SRGAP1: variants seen among roughly 807,000 people sequenced by gnomAD.
The protein encoded by SRGAP1 is SLIT-ROBO Rho GTPase activating protein 1.
In SRGAP1, 43 loss-of-function variants were observed where a neutral mutation model predicts 121.9. The ratio of observed to expected loss-of-function variants is 0.35; its 90% CI spans 0.28 to 0.46. The LOEUF (loss-of-function observed/expected upper bound fraction) is 0.46, where lower values mean the gene tolerates loss of function less well. SRGAP1 is among the 20% of genes least tolerant of loss of function. The probability of loss-of-function intolerance (pLI) is 1.00; values close to 1 mark genes in which losing one functional copy is unlikely to be tolerated. For synonymous variants in SRGAP1, 447 were observed against 485.4 expected, an observed-to-expected ratio of 0.92 and a Z score of 1.04; for missense variants, 1,102 against 1,350.9, an observed-to-expected ratio of 0.82 and a Z score of 2.89.
chr12:63,963,419 A>G (rs918939586), intron 1 of SRGAP1, among the ~76,000 whole-genome samples: 1 of 152,218 alleles, frequency 6.6e-6, no homozygotes, highest in African/African-American at 2.4e-5. Context: ...TCATTTTTTA[A>G]TGTTTTTAAT....
chr12:63,893,209 G>T (rs952218946), intron 1 of SRGAP1, among the ~76,000 whole-genome samples: 14 of 152,142 alleles, frequency 9.2e-5, no homozygotes, highest in Non-Finnish European at 1.2e-4. Flanking sequence ...CTAAAAACAG[G>T]TTGTCATTTT....
intron 1 of SRGAP1, among the ~76,000 whole-genome samples, chr12:63,862,455 T>C (rs1899487941): frequency 6.6e-6 from 1 of 152,178 alleles, no homozygotes; most frequent in Non-Finnish European, 1.5e-5. Flanking sequence ...TCTCAGTTGG[T>C]CTGTGGAAGA....
intron 6 of SRGAP1, among the ~76,000 whole-genome samples, chr12:64,051,758 C>G (rs1373492365): frequency 6.6e-6 from 1 of 152,034 alleles, no homozygotes; most frequent in Non-Finnish European, 1.5e-5. Flanking sequence ...TACTAAAGTG[C>G]ATTCTCTCTT....
At chr12:64,108,267 T>C (rs2136611174) in intron 15 of SRGAP1, among the ~76,000 whole-genome samples, 1 of 152,266 alleles carries the variant, frequency 6.6e-6, no homozygotes, top group East Asian at 1.9e-4. Flanking sequence ...AACACTAGTC[T>C]CAGGTAATCC....
chr12:63,917,375 A>G (rs2030833046), intron 1 of SRGAP1, among the ~76,000 whole-genome samples: 2 of 152,170 alleles, frequency 1.3e-5, no homozygotes, highest in Non-Finnish European at 2.9e-5. Flanking sequence ...AGTATGGTCC[A>G]TTAGAGGTAT....
At chr12:64,126,206 C>T (rs769125270) in intron 19 of SRGAP1, 49 bp downstream of exon 19, 2 of 1,565,256 alleles carry the variant, frequency 1.3e-6, no homozygotes, top group Non-Finnish European at 8.7e-7. Context: ...TAGAGGACTC[C>T]AGCCATTGTT....
intron 6 of SRGAP1, among the ~76,000 whole-genome samples, chr12:64,057,141 T>C (rs541199708): frequency 1.6e-4 from 25 of 152,300 alleles, no homozygotes; most frequent in African/African-American, 6.0e-4. Flanking sequence ...GGCCTACTCA[T>C]TGGCTGAGGC....
chr12:63,877,230 A>C (rs888509234), intron 1 of SRGAP1, among the ~76,000 whole-genome samples: 1 of 152,220 alleles, frequency 6.6e-6, no homozygotes, highest in Non-Finnish European at 1.5e-5. Context: ...ATCTCAAAAA[A>C]AGAAAGAGAA....
At chr12:63,937,735 T>C (rs1398071716) in intron 1 of SRGAP1, among the ~76,000 whole-genome samples, 1 of 152,260 alleles carries the variant, frequency 6.6e-6, no homozygotes, top group East Asian at 1.9e-4. Context: ...TATTAACACC[T>C]AGGAGCTCGC....
intron 1 of SRGAP1, among the ~76,000 whole-genome samples, chr12:63,952,010 G>T (rs938690609): frequency 1.6e-4 from 25 of 152,064 alleles, no homozygotes; most frequent in African/African-American, 5.8e-4. Flanking sequence ...GTAGGAAGGG[G>T]TCAGCTTCTC....
intron 1 of SRGAP1, among the ~76,000 whole-genome samples, chr12:63,962,434 G>A (rs1344448734): frequency 6.6e-6 from 1 of 152,112 alleles, no homozygotes; most frequent in African/African-American, 2.4e-5. Context: ...TTGAGACAGA[G>A]CCTTGCTCTG....
chr12:63,975,586 GTTCT>G (rs2033070966), intron 1 of SRGAP1, among the ~76,000 whole-genome samples: 1 of 151,570 alleles, frequency 6.6e-6, no homozygotes, highest in African/African-American at 2.4e-5. Flanking sequence ...GACATTTTAC[GTTCT>G]TTTTTTTCTC....
At chr12:63,903,097 T>A (rs933140877) in intron 1 of SRGAP1, among the ~76,000 whole-genome samples, 1 of 152,214 alleles carries the variant, frequency 6.6e-6, no homozygotes, top group Non-Finnish European at 1.5e-5. Flanking sequence ...TGTGTATGTG[T>A]GTTTGTGTGA....
At chr12:63,891,963 G>T (rs1473530520) in intron 1 of SRGAP1, among the ~76,000 whole-genome samples, 1 of 146,162 alleles carries the variant, frequency 6.8e-6, no homozygotes. Context: ...TCCATCCTGG[G>T]CCACAGAGCA....
chr12:63,900,552 C>T (rs1258074279), intron 1 of SRGAP1, among the ~76,000 whole-genome samples: 1 of 151,854 alleles, frequency 6.6e-6, no homozygotes, highest in African/African-American at 2.4e-5. Context: ...GTGGCTCACA[C>T]CTGTAATCGC....
At chr12:63,991,535 C>T (rs909040934) in intron 3 of SRGAP1, among the ~76,000 whole-genome samples, 5 of 152,136 alleles carry the variant, frequency 3.3e-5, no homozygotes, top group East Asian at 3.8e-4. Context: ...ATATCCTATG[C>T]GTCTTAAATA....
intron 1 of SRGAP1, 101 bp from the exon 2 acceptor site, chr12:63,983,839 TATATATA>T (rs1565981747): frequency 1.9e-5 from 2 of 107,956 alleles, no homozygotes; most frequent in African/African-American, 4.1e-5. Flanking sequence ...TATATATATA[TATATATA>T]TATATATATT....
intron 8 of SRGAP1, among the ~76,000 whole-genome samples, chr12:64,077,389 T>C (rs1382114629): frequency 6.6e-6 from 1 of 151,520 alleles, no homozygotes; most frequent in East Asian, 1.9e-4. Context: ...GCACTCGACA[T>C]CAAAGAATGT....
chr12:63,997,887 T>A (rs1171428884), intron 3 of SRGAP1, among the ~76,000 whole-genome samples: 3 of 152,152 alleles, frequency 2.0e-5, no homozygotes, highest in African/African-American at 7.2e-5. Flanking sequence ...CTACATGGGC[T>A]CCAACCACCT....
Sources: allele counts gnomAD v4.1 joint callset (sites outside exome capture counted in the v4.1 genomes callset), GRCh38; gene constraint gnomAD v4.1.1; transcripts MANE v1.5; gene names NCBI Gene and HGNC (gene_info 2026-07-23, HGNC 2026-07-21).